PTBP3: variants seen among roughly 807,000 people sequenced by gnomAD.
PTBP3 encodes polypyrimidine tract binding protein 3, also known as polypyrimidine tract-binding protein 3.
A neutral mutation model predicts 58.7 loss-of-function variants in PTBP3; 20 were observed. The observed-to-expected ratio is 0.34, with a 90% confidence interval of 0.24 to 0.50. The LOEUF (loss-of-function observed/expected upper bound fraction) is 0.50. Ranked by LOEUF, PTBP3 falls within the 20% of genes least tolerant of loss-of-function variation. PTBP3 has a pLI of 0.98. For synonymous variants in PTBP3, 185 were observed against 219.8 expected (o/e 0.84, Z 1.40); for missense variants, 509 against 637.2 (o/e 0.80, Z 2.17).
At chr9:112,287,381 C>T (rs1828181129) in intron 2 of PTBP3, among the ~76,000 whole-genome samples, 1 of 117,326 alleles carries the variant, frequency 8.5e-6, no homozygotes, top group African/African-American at 3.1e-5. Context: ...GCTTTTTTGC[C>T]CAGGCTGGAG....
chr9:112,352,235 A>C, the PTBP3 span, among the ~76,000 whole-genome samples: 4 of 152,120 alleles, frequency 2.6e-5, no homozygotes, highest in Non-Finnish European at 5.9e-5. Flanking sequence ...CCTTTTATTA[A>C]AGTACAGTAT....
chr9:112,347,129 C>T, the PTBP3 span, among the ~76,000 whole-genome samples: 2 of 151,970 alleles, frequency 1.3e-5, no homozygotes, highest in African/African-American at 2.4e-5. Context: ...ATATAAATAG[C>T]CTAATGCTAT....
the PTBP3 span, among the ~76,000 whole-genome samples, chr9:112,376,843 G>A: frequency 1.1e-4 from 17 of 152,194 alleles, no homozygotes; most frequent in East Asian, 3.3e-3. Context: ...ATGTCCTTTG[G>A]CAATACCCTC....
chr9:112,291,865 T>C (rs946113043), intron 2 of PTBP3, among the ~76,000 whole-genome samples: 2 of 152,002 alleles, frequency 1.3e-5, no homozygotes, highest in African/African-American at 4.8e-5. Flanking sequence ...TATGAACAAA[T>C]GGGGCTAATA....
At chr9:112,251,630 GAAT>G (rs1169983085) in intron 6 of PTBP3, among the ~76,000 whole-genome samples, 1 of 151,898 alleles carries the variant, frequency 6.6e-6, no homozygotes, top group African/African-American at 2.4e-5. Context: ...GTAATACTTT[GAAT>G]AATAAACTGA....
At chr9:112,378,494 A>G in the PTBP3 span, among the ~76,000 whole-genome samples, 64 of 152,364 alleles carry the variant, frequency 4.2e-4, no homozygotes, top group Middle Eastern at 3.4e-3. Context: ...GGCTTTCAAA[A>G]AGGAGAGAAC....
chr9:112,349,757 G>A, the PTBP3 span, among the ~76,000 whole-genome samples: 2 of 150,128 alleles, frequency 1.3e-5, no homozygotes, highest in Non-Finnish European at 2.9e-5. Flanking sequence ...CCAGCTACTC[G>A]GCAGGCTGAG....
At chr9:112,346,925 T>C in the PTBP3 span, among the ~76,000 whole-genome samples, 43 of 152,292 alleles carry the variant, frequency 2.8e-4, no homozygotes, top group African/African-American at 9.6e-4. Context: ...AGTTTCGCCA[T>C]GTTGGCCAGG....
chr9:112,264,275 T>C (rs979794793), intron 4 of PTBP3, among the ~76,000 whole-genome samples: 4 of 152,166 alleles, frequency 2.6e-5, no homozygotes, highest in African/African-American at 4.8e-5. Flanking sequence ...AGTTTGATTG[T>C]TTTTTAGAGA....
chr9:112,370,449 G>A, the PTBP3 span, among the ~76,000 whole-genome samples: 227 of 152,274 alleles, frequency 1.5e-3, 1 homozygote, highest in Non-Finnish European at 2.7e-3. Context: ...GCTGAGATGG[G>A]AGGATCACTT....
intron 7 of PTBP3, among the ~76,000 whole-genome samples, chr9:112,246,101 G>GC (rs1445153129): frequency 1.3e-5 from 2 of 151,684 alleles, no homozygotes; most frequent in Non-Finnish European, 2.9e-5. Flanking sequence ...TCCTGCCTCA[G>GC]CCCCCCTAGT....
intron 7 of PTBP3, among the ~76,000 whole-genome samples, chr9:112,246,536 ACAAAAAATTAG>A (rs1835884199): frequency 6.6e-6 from 1 of 151,828 alleles, no homozygotes; most frequent in Non-Finnish European, 1.5e-5. Context: ...TACTAAAAAT[ACAAAAAATTAG>A]CCGGGCATAG....
At chr9:112,267,708 AC>A (rs1239182445) in intron 4 of PTBP3, among the ~76,000 whole-genome samples, 1 of 148,202 alleles carries the variant, frequency 6.7e-6, no homozygotes, top group East Asian at 2.0e-4. Flanking sequence ...TACTTAATTC[AC>A]TCAATTTCTC....
chr9:112,290,713 C>CACAA (rs146203690), intron 2 of PTBP3, among the ~76,000 whole-genome samples: 16 of 142,396 alleles, frequency 1.1e-4, no homozygotes, highest in Non-Finnish European at 1.7e-4. Flanking sequence ...TATATACACA[C>CACAA]ACACACACAC....
intron 3 of PTBP3, among the ~76,000 whole-genome samples, chr9:112,275,637 G>C (rs1291740952): frequency 6.6e-6 from 1 of 151,984 alleles, no homozygotes; most frequent in African/African-American, 2.4e-5. Flanking sequence ...AAAAACATAA[G>C]TCAATGGATA....
the PTBP3 span, among the ~76,000 whole-genome samples, chr9:112,342,201 C>A: frequency 6.6e-6 from 1 of 152,158 alleles, no homozygotes; most frequent in African/African-American, 2.4e-5. Flanking sequence ...CACCAGCAGC[C>A]TTCTAGTTTC....
chr9:112,219,511 T>C lies in PTBP3; in HGVS notation c.*4340A>G, dbSNP rs909134486. The stretch of plus-strand genomic sequence containing the variant: ...AAATATCCCTGTTCTCTGGAACATA[T>C]GCCTCAGGTTACAAAAACTAAGGAA... On this transcript the variant is annotated 3_prime_UTR_variant, in exon 14 of 14. Coordinates refer to ENST00000374257, the MANE Select transcript of PTBP3 (RefSeq NM_001163788.4). The C allele has an allele frequency of 6.6e-6, 1 of 152,562 alleles. No individual in the cohort carries two copies. The allele number at this position is 152,562 out of a possible 1,614,324, so 9.5% of individuals were successfully genotyped here.
At chr9:112,304,170 AG>A (rs1829069891) in intron 1 of PTBP3, among the ~76,000 whole-genome samples, 1 of 151,854 alleles carries the variant, frequency 6.6e-6, no homozygotes, top group African/African-American at 2.4e-5. Context: ...CTGTCTTAGG[AG>A]GAAAAAAAAA....
intron 2 of PTBP3, 143 bp downstream of exon 2, chr9:112,297,689 G>C (rs1488919711): frequency 1.8e-6 from 1 of 556,878 alleles, no homozygotes. Context: ...TATGTAAACA[G>C]TATATAGTAC....
Sources: allele counts gnomAD v4.1 joint callset (sites outside exome capture counted in the v4.1 genomes callset), GRCh38; gene constraint gnomAD v4.1.1; transcripts MANE v1.5; gene names NCBI Gene and HGNC (gene_info 2026-07-23, HGNC 2026-07-21).